Variants in MLF2 observed in about 807,000 individuals in gnomAD.
MLF2 encodes myeloid leukemia factor 2.
MLF2 carries 12 observed loss-of-function variants against 31.4 expected under a neutral mutation model. The observed-to-expected ratio is 0.38, with a 90% CI of 0.24 to 0.62. MLF2 has a LOEUF of 0.62. MLF2 is among the 20% of genes least tolerant of loss of function. MLF2 has a pLI of 0.58. For missense variants in MLF2, 272 were observed against 359.7 expected (o/e 0.76, Z 1.97); for synonymous variants, 109 against 118.8 (o/e 0.92, Z 0.54).
chr12:6,749,733 A>T lies in MLF2; in HGVS notation c.559+115T>A. On this transcript the variant is annotated intron_variant, in intron 7 of 8. Transcript: ENST00000203630. This position sits in a 1 kb window ranked among gnomAD's most constrained non-coding sequence, Gnocchi z 5.3. ...AGCGAGACTCCATCTCAAAAAAAAA[A>T]AAAAAGGAATATGGGGCTGACCCAG... 7.2e-7 allele frequency: 1 copy of T among 1,398,086 alleles called. No homozygotes were observed. Among genetic ancestry groups the T allele is most frequent in the South Asian group, 1.4e-5 (1 of 72,164 alleles). The allele number at this position is 1,398,086 out of a possible 1,614,324, so 86.6% of individuals were successfully genotyped here. A position where few individuals can be genotyped will look rare whatever the true frequency, so the allele number is the denominator to read the frequency against.
chr12:6,751,951 T>G lies in MLF2; in HGVS notation c.154A>C (p.Arg52=). Residue 52 remains arginine, a synonymous_variant, in exon 3 of 9, where the codon AGG becomes CGG. Coordinates refer to ENST00000203630, the MANE Select transcript of MLF2 (RefSeq NM_001382226.1). ...TGCTGCATCCGGCGGCTGGCAGGCC[T>G]GGTCCCTGGCATGTTGCCATCTGTG... ...SITDGNMPGT[R]PASRRMQQAG... The G allele has an allele frequency of 6.2e-7, 1 of 1,614,234 alleles. No homozygotes were observed. The highest frequency in any genetic ancestry group is 8.5e-7 in the Non-Finnish European group (1 of 1,180,046).
rs896794908 is a variant in MLF2 at position 6,749,367 on chromosome 12, C to T, written c.560-385G>A. Among the ~76,000 whole-genome samples the T allele has an allele frequency of 2.6e-5, 4 of 152,212 alleles. No individual in the cohort carries two copies. Among genetic ancestry groups the T allele is most frequent in the African/African-American group, 4.8e-5 (2 of 41,452 alleles). ...CAAAGTAGGCCCCTCACAAAGACAC[C>T]GCCAGCACCTGACTCCGCCCGAGCG... On this transcript the variant is annotated intron_variant, in intron 7 of 8. Transcript: ENST00000203630. This position sits in a 1 kb window ranked among gnomAD's most constrained non-coding sequence, Gnocchi z 5.3.
Position 6,752,182 on chromosome 12 carries a change from T to A in MLF2, c.50+103A>T, listed in dbSNP as rs1941626673. 1.4e-5 allele frequency: 22 copies of A among 1,541,408 alleles called. No homozygotes were observed. Among genetic ancestry groups the A allele is most frequent in the Non-Finnish European group, 1.9e-5 (22 of 1,133,252 alleles). ...TACTTCCTGCTAGGTAGGAGCTAGGTATCCAGCCAGTTCCAACCATTCCTA... is the reference window on the plus strand; with the variant it reads ...TACTTCCTGCTAGGTAGGAGCTAGGAATCCAGCCAGTTCCAACCATTCCTA... On this transcript the variant is annotated intron_variant, in intron 2 of 8. Transcript: ENST00000203630. The surrounding 1 kb of genome is among the most constrained non-coding windows in gnomAD (Gnocchi z 4.6).
rs1231696733 is a variant in MLF2, at chr12:6,750,733, T to C, written c.250A>G (p.Asn84Asp). 6.2e-7 allele frequency: 1 copy of C among 1,614,036 alleles called. No individual in the cohort carries two copies. The highest frequency in any genetic ancestry group is 2.2e-5 in the East Asian group (1 of 44,878). ...GGFMDMFGMM[N>D]DMIGNMEHMT... Reference sequence around the variant, plus strand: ...CTCACCATGTTTCCAATCATGTCATTCATCATCCCAAACATGTCCATGAAA... The same window carrying C: ...CTCACCATGTTTCCAATCATGTCATCCATCATCCCAAACATGTCCATGAAA... The change falls in exon 5 of 9, where the codon AAT becomes GAT. Residue 84 changes from asparagine to aspartate, a missense_variant. Asn to Asp is a conservative substitution (Grantham distance 23). Coordinates refer to ENST00000203630, the MANE Select transcript of MLF2 (RefSeq NM_001382226.1). The surrounding 1 kb of genome is among the most constrained non-coding windows in gnomAD (Gnocchi z 5.3).
chr12:6,750,890 A>G lies in MLF2; in HGVS notation c.217-124T>C, dbSNP rs1941604115. On this transcript the variant is annotated intron_variant, in intron 4 of 8. Coordinates refer to ENST00000203630, the MANE Select transcript of MLF2 (RefSeq NM_001382226.1). The surrounding 1 kb of genome is among the most constrained non-coding windows in gnomAD (Gnocchi z 5.3). ...TTTCTCTTCTTCCTTCACATCTAGC[A>G]AGTTCTCTTTCTCATTCTGTTAAAA... The G allele has an allele frequency of 1.2e-5, 10 of 811,064 alleles. No homozygotes were observed. In the South Asian group the frequency reaches 1.5e-4, roughly 12 times the overall value. The allele number at this position is 811,064 out of a possible 1,614,324, so 50.2% of individuals were successfully genotyped here.
At chr12:6,751,280 C>CA (rs1941610143) in intron 4 of MLF2, 1 of 269,812 alleles carries the variant, frequency 3.7e-6, no homozygotes, top group African/African-American at 2.3e-5. Context: ...GGCAGTGGCG[C>CA]AGTCTCGGCT....
In MLF2 at chr12:6,750,490, GAAGAGA is replaced by G; in HGVS notation, c.271-191_271-186del. ...GTCCAACCACGAGCAAGAAGGACCT[GAAGAGA>G]CAGGGCCTTAATTGTATGCTACGTA... On this transcript the variant is annotated intron_variant, in intron 5 of 8. Coordinates refer to ENST00000203630, the MANE Select transcript of MLF2 (RefSeq NM_001382226.1). This position sits in a 1 kb window ranked among gnomAD's most constrained non-coding sequence, Gnocchi z 5.3. 1 of 911,168 alleles carries G rather than the reference GAAGAGA, an allele frequency of 1.1e-6. No homozygotes were observed. Among genetic ancestry groups the G allele is most frequent in the Non-Finnish European group, 1.6e-6 (1 of 609,702 alleles). The allele number at this position is 911,168 out of a possible 1,614,324, so 56.4% of individuals were successfully genotyped here.
chr12:6,752,196 C>G lies in MLF2; in HGVS notation c.50+89G>C. The G allele has an allele frequency of 6.5e-7, 1 of 1,539,182 alleles. No homozygotes were observed. Among genetic ancestry groups the G allele is most frequent in the Non-Finnish European group, 8.8e-7 (1 of 1,132,970 alleles). ...TAGGAGCTAGGTATCCAGCCAGTTCCAACCATTCCTAGCAATGGGAACCCC... is the reference window on the plus strand; with the variant it reads ...TAGGAGCTAGGTATCCAGCCAGTTCGAACCATTCCTAGCAATGGGAACCCC... On this transcript the variant is annotated intron_variant, in intron 2 of 8. Coordinates refer to ENST00000203630, the MANE Select transcript of MLF2 (RefSeq NM_001382226.1). The surrounding 1 kb of genome is among the most constrained non-coding windows in gnomAD (Gnocchi z 4.6).
chr12:6,750,969 C>T lies in MLF2; in HGVS notation c.217-203G>A. On this transcript the variant is annotated intron_variant, in intron 4 of 8. Transcript: ENST00000203630. This position sits in a 1 kb window ranked among gnomAD's most constrained non-coding sequence, Gnocchi z 5.3. ...GTGAACTGCTGACCCCTTCCTCAGT[C>T]TCTGTGACTGCTGTGATCCAATTTT... 1.8e-6 allele frequency: 1 copy of T among 567,626 alleles called. No homozygotes were observed. The highest frequency in any genetic ancestry group is 3.2e-6 in the Non-Finnish European group (1 of 313,054). The allele number at this position is 567,626 out of a possible 1,614,324, so 35.2% of individuals were successfully genotyped here.
At position 6,752,036 on chromosome 12, in the gene MLF2, G is replaced by A. The variant is rs1223549385; in HGVS notation, c.69C>T (p.His23=). The part of the protein sequence containing the change: ...PMFLMDPFAI[H]RQHMSRMLSG... The stretch of plus-strand genomic sequence containing the variant: ...ACAACATACGGCTCATATGCTGACG[G>A]TGAATAGCAAAGGGATCCCTGTGGA... Residue 23 remains histidine (H), a synonymous_variant, in exon 3 of 9, where the codon CAC becomes CAT. Coordinates refer to ENST00000203630, the MANE Select transcript of MLF2 (RefSeq NM_001382226.1). This position sits in a 1 kb window ranked among gnomAD's most constrained non-coding sequence, Gnocchi z 4.6. 6.2e-7 allele frequency: 1 copy of A among 1,614,182 alleles called. No individual in the cohort carries two copies. The highest frequency in any genetic ancestry group is 8.5e-7 in the Non-Finnish European group (1 of 1,180,024).
Position 6,752,510 on chromosome 12 carries a change from A to T in MLF2, c.-28-148T>A. 1.6e-6 allele frequency: 1 copy of T among 643,392 alleles called. No homozygotes were observed. The allele number at this position is 643,392 out of a possible 1,614,324, so 39.9% of individuals were successfully genotyped here. On this transcript the variant is annotated intron_variant, in intron 1 of 8. Coordinates refer to ENST00000203630, the MANE Select transcript of MLF2 (RefSeq NM_001382226.1). The surrounding 1 kb of genome is among the most constrained non-coding windows in gnomAD (Gnocchi z 4.6). ...AGACCCTACTCCAGGTGTTCCACAC[A>T]ACCCTCTAGGGAGGGAAGGGCTCTT...
In MLF2 at chr12:6,752,737, T is replaced by G; in HGVS notation, c.-29+202A>C. The G allele has an allele frequency of 5.9e-6, 1 of 169,156 alleles. No homozygotes were observed. The allele number at this position is 169,156 out of a possible 1,614,324, so 10.5% of individuals were successfully genotyped here. On this transcript the variant is annotated intron_variant, in intron 1 of 8. Coordinates refer to ENST00000203630, the MANE Select transcript of MLF2 (RefSeq NM_001382226.1). The surrounding 1 kb of genome is among the most constrained non-coding windows in gnomAD (Gnocchi z 4.6). ...TGACCCCAGTCACCCCGCCCCCTCC[T>G]TACACTCAGGCCTCCCCCAGGCGGG...
chr12:6,749,585 C>T lies in MLF2; in HGVS notation c.559+263G>A, dbSNP rs1006779475. Among the ~76,000 whole-genome samples, 1 of 152,184 alleles carries T rather than the reference C, an allele frequency of 6.6e-6. No homozygotes were observed. The highest frequency in any genetic ancestry group is 2.4e-5 in the African/African-American group (1 of 41,454). ...CAGAAATTAGCTGGGCGTGGTGGCA[C>T]ATGCCTGTAGTTCCAGCTACACGGG... On this transcript the variant is annotated intron_variant, in intron 7 of 8. Transcript: ENST00000203630. This position sits in a 1 kb window ranked among gnomAD's most constrained non-coding sequence, Gnocchi z 5.3.
rs1941598844 is a variant in MLF2, at chr12:6,750,578, G to C, written c.270+135C>G. 1 of 1,111,202 alleles carries C rather than the reference G, an allele frequency of 9.0e-7. No individual in the cohort carries two copies. Among genetic ancestry groups the C allele is most frequent in the Non-Finnish European group, 1.3e-6 (1 of 757,344 alleles). 68.8% of individuals were successfully genotyped at this position (1,111,202 alleles called of 1,614,324 possible). On this transcript the variant is annotated intron_variant, in intron 5 of 8. Transcript: ENST00000203630. This position sits in a 1 kb window ranked among gnomAD's most constrained non-coding sequence, Gnocchi z 5.3. ...ATGACAGCAGGTACAGGGTCCCAAG[G>C]CTCTCTGGTTCAATTACTTTATCCA...
At chr12:6,751,763 C>G in intron 3 of MLF2, 87 bp from the exon 4 acceptor site, 1 of 1,577,774 alleles carries the variant, frequency 6.3e-7, no homozygotes, top group East Asian at 2.2e-5. Context: ...CAATTTTTTT[C>G]CATCCTCTCA....
In MLF2 at chr12:6,748,845, G is replaced by C; in HGVS notation, c.697C>G (p.Gln233Glu). The C allele has an allele frequency of 6.3e-7, 1 of 1,577,042 alleles. No individual in the cohort carries two copies. The highest frequency in any genetic ancestry group is 8.6e-7 in the Non-Finnish European group (1 of 1,166,340). Residue 233 changes from glutamine to glutamate, a missense_variant, in exon 8 of 9, where the codon CAG becomes GAG. Transcript: ENST00000203630. This position sits in a 1 kb window ranked among gnomAD's most constrained non-coding sequence, Gnocchi z 4.6. ...RAEGPPRLAI[Q>E]GPEDSPSRQS... ...CGGGAAGGGGAGTCCTCAGGTCCCTGGATGGCCAGGCGGGGAGGCCCCTCC... is the reference window on the plus strand; with the variant it reads ...CGGGAAGGGGAGTCCTCAGGTCCCTCGATGGCCAGGCGGGGAGGCCCCTCC...
Position 6,748,733 on chromosome 12 carries a change from G to A in MLF2, c.*25+37C>T, listed in dbSNP as rs541792031. On this transcript the variant is annotated intron_variant, in intron 8 of 8. Transcript: ENST00000203630. The surrounding 1 kb of genome is among the most constrained non-coding windows in gnomAD (Gnocchi z 4.6). ...CCTGCCTTGCAGCCGAGGACCGTCC[G>A]CAGGTGCACCCCACCCTCCTTACTC... 3.0e-4 allele frequency: 434 copies of A among 1,434,840 alleles called. 3 individuals are homozygous for A. The Middle Eastern group carries it at 6.3e-3, about 21-fold the overall frequency. The allele number at this position is 1,434,840 out of a possible 1,614,324, so 88.9% of individuals were successfully genotyped here.
chr12:6,748,827 G>A lies in MLF2; in HGVS notation c.715C>T (p.Pro239Ser), dbSNP rs758829301. Reference protein sequence around the residue: ...RLAIQGPEDSPSRQSRRYDW With the variant: ...RLAIQGPEDSSSRQSRRYDW ...TCATAGCGGCGGGACTGTCGGGAAGGGGAGTCCTCAGGTCCCTGGATGGCC... is the reference window on the plus strand; with the variant it reads ...TCATAGCGGCGGGACTGTCGGGAAGAGGAGTCCTCAGGTCCCTGGATGGCC... Residue 239 changes from proline to serine, a missense_variant, in exon 8 of 9, where the codon CCT becomes TCT. Pro to Ser is a moderately conservative substitution (Grantham distance 74). Coordinates refer to ENST00000203630, the MANE Select transcript of MLF2 (RefSeq NM_001382226.1). The surrounding 1 kb of genome is among the most constrained non-coding windows in gnomAD (Gnocchi z 4.6). 14 of 1,553,434 alleles carry A rather than the reference G, an allele frequency of 9.0e-6. No individual in the cohort carries two copies. Among genetic ancestry groups the A allele is most frequent in the African/African-American group, 2.8e-5 (2 of 70,304 alleles).
In MLF2 at chr12:6,750,697, A is replaced by T. The variant is rs1414346433; in HGVS notation, c.270+16T>A. The stretch of plus-strand genomic sequence containing the variant: ...ACTGAGAGCAAGGCCGGGGAAGGGT[A>T]TGGGGCAAGTCTCACCATGTTTCCA... On this transcript the variant is annotated intron_variant, in intron 5 of 8. Coordinates refer to ENST00000203630, the MANE Select transcript of MLF2 (RefSeq NM_001382226.1). The surrounding 1 kb of genome is among the most constrained non-coding windows in gnomAD (Gnocchi z 5.3). The T allele has an allele frequency of 6.2e-7, 1 of 1,613,276 alleles. No homozygotes were observed. The highest frequency in any genetic ancestry group is 8.5e-7 in the Non-Finnish European group (1 of 1,179,336).
Sources: allele counts gnomAD v4.1 joint callset (sites outside exome capture counted in the v4.1 genomes callset), GRCh38; gene constraint gnomAD v4.1.1; non-coding constraint Gnocchi (gnomAD v3.1); transcripts MANE v1.5; gene names NCBI Gene and HGNC (gene_info 2026-07-23, HGNC 2026-07-21).